The following PDGFD variants were observed in gnomAD, a reference collection of about 807,000 sequenced individuals.
PDGFD encodes the protein platelet derived growth factor D.
Under a neutral mutation model 44.7 loss-of-function variants are expected in PDGFD, and 30 were observed. That is an observed-to-expected ratio of 0.67 (90% CI 0.50 to 0.91). PDGFD has a LOEUF of 0.91. Among genes scored for constraint, PDGFD ranks in the 40% least tolerant of loss-of-function variants. The pLI, the probability that PDGFD is intolerant of heterozygous loss-of-function variation, is 0.00. For synonymous variants in PDGFD, 173 were observed against 168.4 expected (o/e 1.03, Z -0.21); for missense variants, 445 against 457.8 (o/e 0.97, Z 0.25).
At chr11:103,996,962 A>G (rs1299430294) in intron 2 of PDGFD, among the ~76,000 whole-genome samples, 1 of 152,218 alleles carries the variant, frequency 6.6e-6, no homozygotes, top group African/African-American at 2.4e-5. Context: ...CCTGGGATTC[A>G]AGAAGACAGC....
At chr11:104,015,754 A>G (rs1004658559) in intron 1 of PDGFD, among the ~76,000 whole-genome samples, 10 of 152,228 alleles carry the variant, frequency 6.6e-5, no homozygotes, top group African/African-American at 2.4e-4. Flanking sequence ...ACAAAGTTAC[A>G]ATATCATGTG....
At chr11:104,107,168 G>C (rs1287346081) in intron 1 of PDGFD, among the ~76,000 whole-genome samples, 1 of 152,120 alleles carries the variant, frequency 6.6e-6, no homozygotes, top group African/African-American at 2.4e-5. Flanking sequence ...AATTGAGTTT[G>C]AGTTCATCAG....
At chr11:103,972,025 T>C (rs1306275918) in intron 3 of PDGFD, among the ~76,000 whole-genome samples, 1 of 152,208 alleles carries the variant, frequency 6.6e-6, no homozygotes, top group Non-Finnish European at 1.5e-5. Flanking sequence ...TCCCTCCTTG[T>C]TGTTTAAGTC....
At chr11:104,090,048 A>T (rs1861188730) in intron 1 of PDGFD, among the ~76,000 whole-genome samples, 1 of 152,196 alleles carries the variant, frequency 6.6e-6, no homozygotes, top group Admixed American at 6.6e-5. Context: ...AATCAAATCT[A>T]TAACATAATT....
intron 3 of PDGFD, among the ~76,000 whole-genome samples, chr11:103,963,430 G>A (rs1331960892): frequency 6.6e-6 from 1 of 152,154 alleles, no homozygotes; most frequent in Non-Finnish European, 1.5e-5. Flanking sequence ...ATAAAAGAAT[G>A]TGTAATTTCT....
intron 1 of PDGFD, chr11:104,037,137 C>G: frequency 6.2e-7 from 1 of 1,613,896 alleles, no homozygotes; most frequent in East Asian, 2.2e-5. Context: ...CTGGGACGTC[C>G]AGCTCCCGTC....
At chr11:103,952,748 T>G (rs1362159299) in intron 3 of PDGFD, among the ~76,000 whole-genome samples, 1 of 152,212 alleles carries the variant, frequency 6.6e-6, no homozygotes, top group African/African-American at 2.4e-5. Context: ...TGCATTGCCT[T>G]AATTAATAAA....
At chr11:103,973,261 C>T (rs1005054837) in intron 3 of PDGFD, among the ~76,000 whole-genome samples, 2 of 151,596 alleles carry the variant, frequency 1.3e-5, no homozygotes, top group Non-Finnish European at 2.9e-5. Context: ...GCCTCAGCCT[C>T]CCAAGTAACT....
At chr11:104,022,724 C>T (rs926894153) in intron 1 of PDGFD, among the ~76,000 whole-genome samples, 23 of 139,450 alleles carry the variant, frequency 1.6e-4, no homozygotes, top group African/African-American at 5.1e-4. Context: ...AATATATATA[C>T]ACACACTATA....
intron 6 of PDGFD, among the ~76,000 whole-genome samples, chr11:103,911,082 A>C (rs992806073): frequency 2.1e-4 from 32 of 152,256 alleles, no homozygotes; most frequent in African/African-American, 7.7e-4. Flanking sequence ...CAGCAGCCCC[A>C]GTCAGGGACT....
At chr11:103,999,679 C>T (rs1591114615) in intron 2 of PDGFD, among the ~76,000 whole-genome samples, 1 of 152,280 alleles carries the variant, frequency 6.6e-6, no homozygotes, top group Admixed American at 6.5e-5. Flanking sequence ...GTTTATGCTC[C>T]CTAAGCCCAT....
Position 103,927,110 on chromosome 11 carries a change from G to T in PDGFD, c.789C>A (p.Leu263=). 3.7e-6 allele frequency: 6 copies of T among 1,614,048 alleles called. No individual in the cohort carries two copies. Among genetic ancestry groups the T allele is most frequent in the Non-Finnish European group, 5.1e-6 (6 of 1,179,978 alleles). The part of the protein sequence containing the change: ...DRKSKVDLDR[L]NDDAKRYSCT... ...AACTGTAACGCTTGGCATCATCATT[G>T]AGCCTATCCAGGTCAACTGTAAGCA... The change falls in exon 6 of 7, where the codon CTC becomes CTA. Residue 263 remains leucine (L), a synonymous_variant. Transcript: ENST00000393158.
chr11:104,161,886 G>C (rs1862392601), intron 1 of PDGFD, among the ~76,000 whole-genome samples: 2 of 151,782 alleles, frequency 1.3e-5, no homozygotes, highest in South Asian at 4.2e-4. Context: ...CTCCTTCCTA[G>C]TCTTGCTTGT....
rs561978447 is a variant in PDGFD at position 103,922,502 on chromosome 11, C to T, written c.987+4410G>A. ...CCTTCCCATGTAGCAAGTCATAAGA[C>T]CCTCATGCGAGAGGTGCCCCTGTTA... On this transcript the variant is annotated intron_variant, in intron 6 of 6. Transcript: ENST00000393158. Among the ~76,000 whole-genome samples the T allele has an allele frequency of 8.5e-5, 13 of 152,150 alleles. No individual in the cohort carries two copies. In the South Asian group the frequency reaches 2.7e-3, roughly 32 times the overall value.
rs1857955110 is a variant in PDGFD at position 103,907,561 on chromosome 11, T to A, written c.*2133A>T. The A allele has an allele frequency of 6.6e-6, 1 of 152,216 alleles. No individual in the cohort carries two copies. The allele number at this position is 152,216 out of a possible 1,614,324, so 9.4% of individuals were successfully genotyped here. A position where few individuals can be genotyped will look rare whatever the true frequency, so the allele number is the denominator to read the frequency against. ...AAAGGCAAAGAAAAGTGAGTGAATA[T>A]GCCTGCTTACATTTCAGCTAATAAA... On this transcript the variant is annotated 3_prime_UTR_variant, in exon 7 of 7. Transcript: ENST00000393158.
intron 1 of PDGFD, among the ~76,000 whole-genome samples, chr11:104,127,071 T>C (rs1237087070): frequency 6.6e-6 from 1 of 152,112 alleles, no homozygotes; most frequent in Non-Finnish European, 1.5e-5. Context: ...CTCGGCTTTT[T>C]CCTGTTTTAC....
intron 1 of PDGFD, chr11:104,037,530 G>A: frequency 6.2e-7 from 1 of 1,614,190 alleles, no homozygotes; most frequent in South Asian, 1.1e-5. Flanking sequence ...AGGCCCCCGA[G>A]AGTTTTGGAC....
chr11:104,083,959 G>C (rs1861083751), intron 1 of PDGFD, among the ~76,000 whole-genome samples: 1 of 152,166 alleles, frequency 6.6e-6, no homozygotes, highest in African/African-American at 2.4e-5. Flanking sequence ...CCCATGTACA[G>C]GTTATGAAAA....
chr11:103,913,569 C>T (rs927838691), intron 6 of PDGFD, among the ~76,000 whole-genome samples: 4 of 152,114 alleles, frequency 2.6e-5, no homozygotes, highest in Non-Finnish European at 4.4e-5. Flanking sequence ...AAAATAGACA[C>T]CTTAACATCA....
Sources: allele counts gnomAD v4.1 joint callset (sites outside exome capture counted in the v4.1 genomes callset), GRCh38; gene constraint gnomAD v4.1.1; transcripts MANE v1.5; gene names NCBI Gene and HGNC (gene_info 2026-07-23, HGNC 2026-07-21).